The following KCNIP3 variants were observed in gnomAD, a reference collection of about 807,000 sequenced individuals.
KCNIP3 encodes the protein potassium voltage-gated channel interacting protein 3.
A neutral mutation model predicts 35.0 loss-of-function variants in KCNIP3; 28 were observed. The ratio of observed to expected loss-of-function variants is 0.80; its 90% CI spans 0.59 to 1.10. The LOEUF is 1.10. Ranked by LOEUF, KCNIP3 falls within the 50% of genes least tolerant of loss-of-function variation. The pLI is 0.00. For synonymous variants in KCNIP3, 134 were observed against 133.8 expected, an observed-to-expected ratio of 1.00 and a Z score of -0.01; for missense variants, 295 against 338.4, an observed-to-expected ratio of 0.87 and a Z score of 1.01.
intron 5 of KCNIP3, among the ~76,000 whole-genome samples, chr2:95,380,359 C>T (rs1376349727): frequency 6.6e-6 from 1 of 152,218 alleles, no homozygotes; most frequent in Non-Finnish European, 1.5e-5. Flanking sequence ...GTCTCTGTCT[C>T]TCTCATGGTA....
chr2:95,315,809 A>T (rs1217215112), intron 2 of KCNIP3, among the ~76,000 whole-genome samples: 2 of 152,164 alleles, frequency 1.3e-5, no homozygotes, highest in Non-Finnish European at 2.9e-5. Flanking sequence ...GCAATGCAGC[A>T]GGTACTGTGG....
intron 2 of KCNIP3, among the ~76,000 whole-genome samples, chr2:95,335,098 C>T (rs576453163): frequency 6.6e-5 from 10 of 152,344 alleles, no homozygotes; most frequent in African/African-American, 2.4e-4. Flanking sequence ...ACCAGAACTA[C>T]TTAATTAAGA....
intron 2 of KCNIP3, among the ~76,000 whole-genome samples, chr2:95,362,785 C>T (rs1221807341): frequency 9.9e-5 from 15 of 152,192 alleles, no homozygotes; most frequent in Admixed American, 8.5e-4. Flanking sequence ...AACAGACCAC[C>T]GACTAGTACT....
intron 2 of KCNIP3, among the ~76,000 whole-genome samples, chr2:95,338,418 T>G (rs1006782724): frequency 6.6e-6 from 1 of 152,168 alleles, no homozygotes; most frequent in African/African-American, 2.4e-5. Flanking sequence ...CTTTCATGGT[T>G]CCAGGGACAG....
intron 2 of KCNIP3, among the ~76,000 whole-genome samples, chr2:95,359,312 C>T (rs563574690): frequency 4.6e-5 from 7 of 151,590 alleles, no homozygotes; most frequent in South Asian, 2.1e-4. Flanking sequence ...CAGAATACAA[C>T]GGTGAGACAG....
intron 2 of KCNIP3, among the ~76,000 whole-genome samples, chr2:95,353,505 C>T (rs1034696516): frequency 1.7e-4 from 26 of 152,222 alleles, no homozygotes; most frequent in African/African-American, 6.3e-4. Flanking sequence ...TGGCCACCTG[C>T]TTACCAGGTG....
At chr2:95,333,546 A>G (rs546129666) in intron 2 of KCNIP3, among the ~76,000 whole-genome samples, 1 of 152,310 alleles carries the variant, frequency 6.6e-6, no homozygotes, top group South Asian at 2.1e-4. Flanking sequence ...GAGACTCCTC[A>G]GAGCACGTGC....
rs571236744 is a variant in KCNIP3, at chr2:95,330,429, C to G, written c.181+19909C>G. Among the ~76,000 whole-genome samples the G allele has an allele frequency of 1.4e-4, 21 of 152,326 alleles. No individual in the cohort carries two copies. The South Asian group carries it at 4.3e-3, about 32-fold the overall frequency. ...TAGGGGACTGCGTTGTGTCCCAGCC[C>G]TGCTCTCAGGGCAGGGTGACCAGGC... On this transcript the variant is annotated intron_variant, in intron 2 of 8. Coordinates refer to ENST00000295225, the MANE Select transcript of KCNIP3 (RefSeq NM_013434.5).
Position 95,384,035 on chromosome 2 carries a change from G to A in KCNIP3, c.757G>A (p.Glu253Lys). The A allele has an allele frequency of 1.2e-6, 2 of 1,614,010 alleles. No individual in the cohort carries two copies. Among genetic ancestry groups the A allele is most frequent in the Non-Finnish European group, 1.7e-6 (2 of 1,179,990 alleles). ...ENIMSSMQLFENVI is the reference protein window; with the variant it reads ...ENIMSSMQLFKNVI Reference sequence around the variant, plus strand: ...CATCATGAGCTCCATGCAGCTGTTTGAGAATGTCATCTAGGACACGTCCAA... The same window carrying A: ...CATCATGAGCTCCATGCAGCTGTTTAAGAATGTCATCTAGGACACGTCCAA... The change falls in exon 9 of 9, where the codon GAG becomes AAG. Residue 253 changes from glutamate to lysine, a missense_variant. Coordinates refer to ENST00000295225, the MANE Select transcript of KCNIP3 (RefSeq NM_013434.5).
At chr2:95,347,032 G>A in intron 2 of KCNIP3, 2 of 1,609,774 alleles carry the variant, frequency 1.2e-6, no homozygotes, top group Non-Finnish European at 1.7e-6. Flanking sequence ...GGGCATCCAG[G>A]GCATGGAGCT....
chr2:95,310,544 T>G lies in KCNIP3; in HGVS notation c.181+24T>G, dbSNP rs747558215. ...AGGTAGGGGCCAGGGTGGGCTGTGG[T>G]CAAGGGTGGGGGTGGGGAGATCTGT... On this transcript the variant is annotated intron_variant, in intron 2 of 8. Coordinates refer to ENST00000295225, the MANE Select transcript of KCNIP3 (RefSeq NM_013434.5). The G allele has an allele frequency of 8.2e-6, 13 of 1,577,206 alleles. No individual in the cohort carries two copies. In the South Asian group the frequency reaches 1.2e-4, roughly 15 times the overall value.
intron 2 of KCNIP3, among the ~76,000 whole-genome samples, chr2:95,331,175 G>GCGGAGGCGGGATTT (rs1332697287): frequency 2.0e-5 from 3 of 152,168 alleles, no homozygotes; most frequent in Non-Finnish European, 4.4e-5. Flanking sequence ...GGCTGTCCAG[G>GCGGAGGCGGGATTT]GTGGCAGCGG....
At chr2:95,325,641 G>T (rs556909633) in intron 2 of KCNIP3, among the ~76,000 whole-genome samples, 2 of 140,990 alleles carry the variant, frequency 1.4e-5, no homozygotes, top group African/African-American at 5.3e-5. Flanking sequence ...ACACACACAC[G>T]CATACACACA....
intron 1 of KCNIP3, among the ~76,000 whole-genome samples, chr2:95,297,973 T>A (rs1677918662): frequency 6.6e-6 from 1 of 152,186 alleles, no homozygotes; most frequent in African/African-American, 2.4e-5. Flanking sequence ...GCCCACTTCC[T>A]CTGAAAGGGC....
intron 2 of KCNIP3, among the ~76,000 whole-genome samples, chr2:95,349,814 C>T (rs968393038): frequency 1.3e-5 from 2 of 152,220 alleles, no homozygotes; most frequent in Admixed American, 6.5e-5. Context: ...CTGCCATCCA[C>T]GAGCCTTGCT....
chr2:95,335,315 C>T (rs1679034242), intron 2 of KCNIP3, among the ~76,000 whole-genome samples: 1 of 152,200 alleles, frequency 6.6e-6, no homozygotes, highest in Non-Finnish European at 1.5e-5. Context: ...CCTTAATTTA[C>T]CCTTCATTTT....
At chr2:95,304,550 G>C (rs561387936) in intron 1 of KCNIP3, among the ~76,000 whole-genome samples, 1 of 152,316 alleles carries the variant, frequency 6.6e-6, no homozygotes, top group Admixed American at 6.5e-5. Context: ...GGACGCAGCT[G>C]ACTCAGAACA....
At chr2:95,347,047 G>T in intron 2 of KCNIP3, 1 of 1,611,156 alleles carries the variant, frequency 6.2e-7, no homozygotes, top group Non-Finnish European at 8.5e-7. Flanking sequence ...GGAGCTGTGC[G>T]CCATGGCCGT....
At chr2:95,347,244 C>T (rs1036414825) in intron 2 of KCNIP3, 6 of 798,026 alleles carry the variant, frequency 7.5e-6, no homozygotes, top group Middle Eastern at 3.3e-4. Flanking sequence ...GCCGCCGCCC[C>T]CTCCCGGCTC....
Sources: allele counts gnomAD v4.1 joint callset (sites outside exome capture counted in the v4.1 genomes callset), GRCh38; gene constraint gnomAD v4.1.1; transcripts MANE v1.5; gene names NCBI Gene and HGNC (gene_info 2026-07-23, HGNC 2026-07-21).